The following RIMS2 variants were observed in gnomAD, a reference collection of about 807,000 sequenced individuals.
RIMS2 encodes regulating synaptic membrane exocytosis 2.
Under a neutral mutation model 174.4 loss-of-function variants are expected in RIMS2, and 59 were observed. That is an observed-to-expected ratio of 0.34 (90% confidence interval 0.27 to 0.42). RIMS2 has a LOEUF of 0.42. RIMS2 is among the 10% of genes least tolerant of loss of function. The pLI, the probability that RIMS2 is intolerant of heterozygous loss-of-function variation, is 1.00. For missense variants in RIMS2, 1,620 were observed against 1,666.3 expected (o/e 0.97, Z 0.48); for synonymous variants, 606 against 572.5 (o/e 1.06, Z -0.84).
chr8:103,519,733 C>CTTT (rs56922734), intron 1 of RIMS2, among the ~76,000 whole-genome samples: 22 of 131,370 alleles, frequency 1.7e-4, no homozygotes, highest in South Asian at 2.5e-4. Context: ...GGCTTTACTA[C>CTTT]TTTTTTTTTT....
chr8:103,704,089 C>T (rs747445792), intron 2 of RIMS2, among the ~76,000 whole-genome samples: 3 of 150,960 alleles, frequency 2.0e-5, no homozygotes, highest in African/African-American at 7.3e-5. Flanking sequence ...ACTTTTAATT[C>T]TTTCCCTTCC....
At chr8:103,550,467 G>A (rs1485786995) in intron 1 of RIMS2, among the ~76,000 whole-genome samples, 1 of 152,182 alleles carries the variant, frequency 6.6e-6, no homozygotes, top group Non-Finnish European at 1.5e-5. Context: ...TCTATAGAGG[G>A]AAATTTATAG....
At chr8:104,020,665 TA>T (rs2096064664) in intron 19 of RIMS2, among the ~76,000 whole-genome samples, 1 of 152,056 alleles carries the variant, frequency 6.6e-6, no homozygotes, top group Non-Finnish European at 1.5e-5. Context: ...ACAGCATGGA[TA>T]TTTTTCAATC....
Position 103,947,624 on chromosome 8 carries a change from A to T in RIMS2, c.2701+4698A>T, listed in dbSNP as rs374548905. ...ATGGTATAAAAGATTAAAAAATGATATACGTGAATAGGGTACTTATCATGA... is the reference window on the plus strand; with the variant it reads ...ATGGTATAAAAGATTAAAAAATGATTTACGTGAATAGGGTACTTATCATGA... On this transcript the variant is annotated intron_variant, in intron 14 of 23. Coordinates refer to ENST00000504942, the Ensembl canonical transcript of RIMS2. Among the ~76,000 whole-genome samples the T allele has an allele frequency of 1.2e-4, 18 of 152,328 alleles. No individual in the cohort carries two copies. In the East Asian group the frequency reaches 2.5e-3, roughly 21 times the overall value.
chr8:103,582,834 TCTGGACCCACCTGGGGC>T (rs1447246555), intron 1 of RIMS2, among the ~76,000 whole-genome samples: 1 of 152,204 alleles, frequency 6.6e-6, no homozygotes, highest in Non-Finnish European at 1.5e-5. Flanking sequence ...AGATGGCACC[TCTGGACCCACCTGGGGC>T]CTGGGGGACC....
chr8:103,911,809 C>CTTA lies in RIMS2; in HGVS notation c.1693-243_1693-242insTAT, dbSNP rs2075729947. Among the ~76,000 whole-genome samples, 9 of 151,924 alleles carry CTTA rather than the reference C, an allele frequency of 5.9e-5. No homozygotes were observed. In the South Asian group the frequency reaches 1.9e-3, roughly 32 times the overall value. On this transcript the variant is annotated intron_variant, in intron 5 of 23. Transcript: ENST00000504942. ...ATAACTTCAGTATTGTGTTAGAGAA[C>CTTA]TGTAAGAATTGGAAGTAATTGGATT... is the stretch of plus-strand genomic sequence containing the variant.
intron 3 of RIMS2, among the ~76,000 whole-genome samples, chr8:103,850,960 C>T (rs549412848): frequency 6.6e-6 from 1 of 152,030 alleles, no homozygotes; most frequent in East Asian, 1.9e-4. Context: ...CTTTTTATAA[C>T]TTTTAGATAA....
chr8:103,758,373 TCATATATA>T (rs1007891209), intron 2 of RIMS2, among the ~76,000 whole-genome samples: 1 of 152,188 alleles, frequency 6.6e-6, no homozygotes, highest in Non-Finnish European at 1.5e-5. Flanking sequence ...TCTTATAAAT[TCATATATA>T]CAAACCAAGT....
At chr8:103,677,622 C>T (rs1447993296) in intron 1 of RIMS2, among the ~76,000 whole-genome samples, 3 of 152,170 alleles carry the variant, frequency 2.0e-5, no homozygotes, top group Non-Finnish European at 4.4e-5. Flanking sequence ...TTACCCAATG[C>T]TCCTGGGGCT....
At chr8:103,776,739 AAGAAGCAAC>A (rs1256958437) in intron 3 of RIMS2, among the ~76,000 whole-genome samples, 22 of 152,148 alleles carry the variant, frequency 1.4e-4, no homozygotes, top group Non-Finnish European at 2.1e-4. Flanking sequence ...AAACCTGTTG[AAGAAGCAAC>A]ATCAATTTCA....
At chr8:104,107,972 C>T (rs903212193) in intron 19 of RIMS2, among the ~76,000 whole-genome samples, 1 of 150,550 alleles carries the variant, frequency 6.6e-6, no homozygotes, top group Non-Finnish European at 1.5e-5. Flanking sequence ...CCCCTGCCCC[C>T]CCCCCACAAT....
intron 1 of RIMS2, among the ~76,000 whole-genome samples, chr8:103,509,807 T>C (rs1403961914): frequency 6.6e-6 from 1 of 152,080 alleles, no homozygotes; most frequent in Non-Finnish European, 1.5e-5. Flanking sequence ...TAGTATAAAT[T>C]AATTGGTCAA....
At chr8:104,193,354 C>T (rs1283927441) in intron 19 of RIMS2, among the ~76,000 whole-genome samples, 1 of 152,150 alleles carries the variant, frequency 6.6e-6, no homozygotes, top group African/African-American at 2.4e-5. Context: ...TTTTTCCTCA[C>T]TGTTCTTCCA....
chr8:103,748,623 T>C (rs1485598092), intron 2 of RIMS2, among the ~76,000 whole-genome samples: 1 of 152,132 alleles, frequency 6.6e-6, no homozygotes, highest in Non-Finnish European at 1.5e-5. Context: ...TATTTCACCA[T>C]CATTGCCTCT....
chr8:103,876,864 T>TATA (rs1554921991), intron 3 of RIMS2, among the ~76,000 whole-genome samples: 1 of 68,104 alleles, frequency 1.5e-5, no homozygotes, highest in African/African-American at 4.7e-5. Context: ...ACACACTATT[T>TATA]TATATATATA....
At position 104,158,366 on chromosome 8, in the gene RIMS2, G is replaced by A. The variant is rs374734344; in HGVS notation, c.3335-86550G>A. Among the ~76,000 whole-genome samples, 916 of 152,114 alleles carry A rather than the reference G, an allele frequency of 6.0e-3. 6 individuals are homozygous for A. Among genetic ancestry groups the A allele is most frequent in the Middle Eastern group, 0.02 (6 of 294 alleles). Reference sequence around the variant, plus strand: ...AGTGCCGCAATAAACATATGTGTGCGTGTGTCTTTATAGTAGCATGATTTA... The same window carrying A: ...AGTGCCGCAATAAACATATGTGTGCATGTGTCTTTATAGTAGCATGATTTA... On this transcript the variant is annotated intron_variant, in intron 19 of 23. Transcript: ENST00000504942.
At chr8:104,117,963 A>G (rs13279319) in intron 19 of RIMS2, among the ~76,000 whole-genome samples, 2 of 152,036 alleles carry the variant, frequency 1.3e-5, no homozygotes, top group African/African-American at 4.8e-5. Flanking sequence ...TTATGATTAC[A>G]CAGATTGTTT....
intron 1 of RIMS2, among the ~76,000 whole-genome samples, chr8:103,627,902 C>G (rs187318710): frequency 6.6e-6 from 1 of 152,102 alleles, no homozygotes; most frequent in South Asian, 2.1e-4. Context: ...TTATGTTAAT[C>G]TAGTGCCTTT....
chr8:103,707,668 T>G (rs1174666119), intron 2 of RIMS2, among the ~76,000 whole-genome samples: 5 of 152,190 alleles, frequency 3.3e-5, no homozygotes, highest in Admixed American at 1.3e-4. Context: ...GGCACTGCTG[T>G]GACCATAGCA....
Sources: allele counts gnomAD v4.1 joint callset (sites outside exome capture counted in the v4.1 genomes callset), GRCh38; gene constraint gnomAD v4.1.1; transcripts MANE v1.5; gene names NCBI Gene and HGNC (gene_info 2026-07-23, HGNC 2026-07-21).